RERE: variants seen among roughly 807,000 people sequenced by gnomAD.
RERE encodes arginine-glutamic acid dipeptide repeats protein.
RERE carries 40 observed loss-of-function variants against 146.1 expected under a neutral mutation model. The observed-to-expected ratio is 0.27, with a 90% CI of 0.21 to 0.36. The LOEUF is 0.36. Among genes scored for constraint, RERE ranks in the 10% least tolerant of loss-of-function variants. The pLI, the probability that RERE is intolerant of heterozygous loss-of-function variation, is 1.00. For missense variants in RERE, 1,933 were observed against 2,138.7 expected, an observed-to-expected ratio of 0.90 and a Z score of 1.90; for synonymous variants, 1,003 against 866.0, an observed-to-expected ratio of 1.16 and a Z score of -2.78.
chr1:8,746,288 CT>C (rs975402303), intron 1 of RERE, among the ~76,000 whole-genome samples: 2 of 152,126 alleles, frequency 1.3e-5, no homozygotes, highest in African/African-American at 4.8e-5. Context: ...TCCTTACTGA[CT>C]TTACTCTAGG....
chr1:8,635,559 T>C (rs1365395628), intron 2 of RERE, among the ~76,000 whole-genome samples: 2 of 152,232 alleles, frequency 1.3e-5, no homozygotes, highest in African/African-American at 4.8e-5. Flanking sequence ...TAACACTTAA[T>C]GAGAGTGTTG....
chr1:8,708,269 G>A (rs1046666194), intron 1 of RERE, among the ~76,000 whole-genome samples: 4 of 152,124 alleles, frequency 2.6e-5, no homozygotes, highest in Non-Finnish European at 5.9e-5. Flanking sequence ...TTTCGTCATA[G>A]TGGATAAGTC....
chr1:8,814,263 C>T (rs1283436204), intron 1 of RERE, among the ~76,000 whole-genome samples: 1 of 152,186 alleles, frequency 6.6e-6, no homozygotes, highest in African/African-American at 2.4e-5. Flanking sequence ...TCCCCTTTAC[C>T]ACTGCAAACC....
Sources: allele counts gnomAD v4.1 joint callset (sites outside exome capture counted in the v4.1 genomes callset), GRCh38; gene constraint gnomAD v4.1.1; transcripts MANE v1.5; gene names NCBI Gene and HGNC (gene_info 2026-07-23, HGNC 2026-07-21).